Variants in SRPK2 observed in about 807,000 individuals in gnomAD.
The protein encoded by SRPK2 is SRSF protein kinase 2.
In SRPK2, 21 loss-of-function variants were observed where a neutral mutation model predicts 90.8. The ratio of observed to expected loss-of-function variants is 0.23; its 90% CI spans 0.16 to 0.33. The LOEUF is 0.33. SRPK2 is among the 10% of genes least tolerant of loss of function. The pLI is 1.00. For synonymous variants in SRPK2, 288 were observed against 311.1 expected, an observed-to-expected ratio of 0.93 and a Z score of 0.78; for missense variants, 620 against 869.0, an observed-to-expected ratio of 0.71 and a Z score of 3.60.
chr7:105,388,990 G>GCCCCGCCCCCA (rs1822016819), upstream of SRPK2: 3 of 294,218 alleles, frequency 1.0e-5, no homozygotes, highest in Non-Finnish European at 1.2e-5. Flanking sequence ...CCCCGCCCCC[G>GCCCCGCCCCCA]CCCCGCCCCC....
chr7:105,242,313 G>A (rs559433616), intron 2 of SRPK2, among the ~76,000 whole-genome samples: 2 of 152,072 alleles, frequency 1.3e-5, no homozygotes, highest in African/African-American at 4.8e-5. Context: ...AGAGCTCAAG[G>A]CCAGCCTCGC....
chr7:105,191,070 C>T (rs1563060861), intron 3 of SRPK2, among the ~76,000 whole-genome samples: 1 of 151,900 alleles, frequency 6.6e-6, no homozygotes, highest in Non-Finnish European at 1.5e-5. Flanking sequence ...GAAATTGGGG[C>T]ACAGAAAAAA....
chr7:105,280,718 C>T lies in SRPK2; in HGVS notation c.72-76933G>A, dbSNP rs528055327. The stretch of plus-strand genomic sequence containing the variant: ...ATCCTAGCACTTTGGGAGGCCGAGG[C>T]GGGTGGATCACGAGGTCAGGAGATC... On this transcript the variant is annotated intron_variant, in intron 2 of 15. Coordinates refer to ENST00000393651, the MANE Select transcript of SRPK2 (RefSeq NM_182692.3). 1.6e-4 allele frequency among the ~76,000 whole-genome samples: 24 copies of T among 150,004 alleles called. No individual in the cohort carries two copies. The South Asian group carries it at 3.0e-3, about 18-fold the overall frequency.
chr7:105,121,403 T>C (rs1299763670), intron 15 of SRPK2, among the ~76,000 whole-genome samples: 2 of 147,086 alleles, frequency 1.4e-5, no homozygotes, highest in African/African-American at 5.0e-5. Flanking sequence ...GAAAAGAAAA[T>C]ATATGAAGAT....
At position 105,181,108 on chromosome 7, in the gene SRPK2, T is replaced by C. The variant is rs537773466; in HGVS notation, c.230-11843A>G. On this transcript the variant is annotated intron_variant, in intron 3 of 15. Transcript: ENST00000393651. ...AAGACGTACATGCGGCCAATAAGCA[T>C]ATAAAAACCTGCTCAACATCACTAA... Among the ~76,000 whole-genome samples the C allele has an allele frequency of 3.3e-5, 5 of 152,248 alleles. No homozygotes were observed. In the East Asian group the frequency reaches 5.8e-4, roughly 18 times the overall value.
Position 105,177,354 on chromosome 7 carries a change from AGAT to A in SRPK2, c.230-8092_230-8090del, listed in dbSNP as rs1792106665. On this transcript the variant is annotated intron_variant, in intron 3 of 15. Coordinates refer to ENST00000393651, the MANE Select transcript of SRPK2 (RefSeq NM_182692.3). Reference sequence around the variant, plus strand: ...TTTACTTCAATGAAAGGATATCTTTAGATTATTAAGATGTGTGATACAATGTAA... The same window carrying A: ...TTTACTTCAATGAAAGGATATCTTTATATTAAGATGTGTGATACAATGTAA... Among the ~76,000 whole-genome samples, 7 of 152,316 alleles carry A rather than the reference AGAT, an allele frequency of 4.6e-5. No homozygotes were observed. The South Asian group carries it at 1.5e-3, about 32-fold the overall frequency.
chr7:105,176,609 G>GTA (rs1384366238), intron 3 of SRPK2, among the ~76,000 whole-genome samples: 75 of 135,594 alleles, frequency 5.5e-4, no homozygotes, highest in East Asian at 2.5e-3. Context: ...GTGTGTGTGT[G>GTA]TATACGTGTG....
chr7:105,248,818 G>A (rs979806394), intron 2 of SRPK2, among the ~76,000 whole-genome samples: 4 of 151,360 alleles, frequency 2.6e-5, no homozygotes, highest in South Asian at 4.2e-4. Flanking sequence ...GGTGTTGGGC[G>A]CCTGGGCTGA....
intron 2 of SRPK2, among the ~76,000 whole-genome samples, chr7:105,276,243 G>C (rs762850043): frequency 2.6e-5 from 4 of 151,490 alleles, no homozygotes; most frequent in Non-Finnish European, 5.9e-5. Flanking sequence ...ACTATGCTTG[G>C]CTAATTTTTT....
upstream of SRPK2, among the ~76,000 whole-genome samples, chr7:105,394,182 G>A (rs776476853): frequency 6.4e-5 from 9 of 139,910 alleles, no homozygotes; most frequent in Non-Finnish European, 9.1e-5. Flanking sequence ...TCATTCTGTC[G>A]CCCAGGCTGG....
At chr7:105,160,282 T>C (rs772644805) in intron 7 of SRPK2, 95 of 332,954 alleles carry the variant, frequency 2.9e-4, no homozygotes, top group Non-Finnish European at 4.5e-4. Context: ...AAAAAACGTA[T>C]GCCTGACAAT....
intron 2 of SRPK2, among the ~76,000 whole-genome samples, chr7:105,344,407 C>G (rs10240874): frequency 1.7e-5 from 1 of 58,458 alleles, no homozygotes; most frequent in African/African-American, 6.1e-5. Context: ...GCAGCCACAC[C>G]TTTTTTTTTT....
intron 2 of SRPK2, among the ~76,000 whole-genome samples, chr7:105,346,872 A>AC (rs996792550): frequency 5.9e-5 from 9 of 151,570 alleles, no homozygotes; most frequent in Non-Finnish European, 1.0e-4. Context: ...AAAAAAAAAA[A>AC]AAACTTTATT....
At chr7:105,390,558 A>G (rs1309090325), upstream of SRPK2, among the ~76,000 whole-genome samples, 5 of 149,422 alleles carry the variant, frequency 3.3e-5, no homozygotes, top group African/African-American at 1.2e-4. Flanking sequence ...TCTCCCGAGT[A>G]GCTGGGATTA....
At chr7:105,386,690 C>CTG (rs1254727049) in intron 2 of SRPK2, among the ~76,000 whole-genome samples, 1 of 152,208 alleles carries the variant, frequency 6.6e-6, no homozygotes, top group Admixed American at 6.5e-5. Flanking sequence ...GCACTCCAGC[C>CTG]TGAGCGACAA....
chr7:105,354,433 TAGCCCACAG>T lies in SRPK2; in HGVS notation c.71+34206_71+34214del, dbSNP rs1817561486. On this transcript the variant is annotated intron_variant, in intron 2 of 15. Transcript: ENST00000393651. ...TCCCCTAACGAATCACTCCAGGTAG[TAGCCCACAG>T]TCCTGGCCACAAAGGCCACAGGGTA... Among the ~76,000 whole-genome samples the T allele has an allele frequency of 3.3e-5, 5 of 152,290 alleles. No homozygotes were observed. The South Asian group carries it at 1.0e-3, about 32-fold the overall frequency.
At chr7:105,227,893 CAAAAAAAA>C (rs566478716) in intron 2 of SRPK2, among the ~76,000 whole-genome samples, 11 of 84,692 alleles carry the variant, frequency 1.3e-4, no homozygotes, top group South Asian at 4.2e-4. Flanking sequence ...TATCATTCAG[CAAAAAAAA>C]AAAAAAAAAA....
intron 2 of SRPK2, among the ~76,000 whole-genome samples, chr7:105,346,438 A>T (rs1229340244): frequency 6.6e-6 from 1 of 152,060 alleles, no homozygotes; most frequent in East Asian, 1.9e-4. Context: ...AAGGTCAATA[A>T]ACTGTAAGTC....
At chr7:105,130,229 GTCTC>G (rs892738509) in intron 13 of SRPK2, among the ~76,000 whole-genome samples, 1 of 152,114 alleles carries the variant, frequency 6.6e-6, no homozygotes, top group African/African-American at 2.4e-5. Flanking sequence ...TCCCAACAGA[GTCTC>G]TGTGAGATTT....
Sources: allele counts gnomAD v4.1 joint callset (sites outside exome capture counted in the v4.1 genomes callset), GRCh38; gene constraint gnomAD v4.1.1; transcripts MANE v1.5; gene names NCBI Gene and HGNC (gene_info 2026-07-23, HGNC 2026-07-21).